Variants in IQGAP2 observed in about 807,000 individuals in gnomAD.
IQGAP2 encodes IQ motif containing GTPase activating protein 2.
Under a neutral mutation model 201.3 loss-of-function variants are expected in IQGAP2, and 173 were observed. The ratio of observed to expected loss-of-function variants is 0.86; its 90% CI spans 0.76 to 0.98. The LOEUF (loss-of-function observed/expected upper bound fraction) is 0.98, where lower values mean the gene tolerates loss of function less well. Ranked by LOEUF, IQGAP2 falls within the 50% of genes least tolerant of loss-of-function variation. The pLI is 0.00. For missense variants in IQGAP2, 1,687 were observed against 1,864.8 expected (o/e 0.90, Z 1.76); for synonymous variants, 675 against 673.9 (o/e 1.00, Z -0.03).
intron 2 of IQGAP2, among the ~76,000 whole-genome samples, chr5:76,484,696 G>A (rs182685535): frequency 1.2e-4 from 19 of 152,218 alleles, no homozygotes; most frequent in African/African-American, 4.3e-4. Flanking sequence ...TGTCACCAAG[G>A]CTGGAGTGCA....
Position 76,625,482 on chromosome 5 carries a change from C to T in IQGAP2, c.1522-1928C>T, listed in dbSNP as rs150126907. Among the ~76,000 whole-genome samples, 421 of 152,252 alleles carry T rather than the reference C, an allele frequency of 2.8e-3. 4 individuals carry two copies. The highest frequency in any genetic ancestry group is 4.3e-3 in the Non-Finnish European group (295 of 68,030). ...CTCCTCTAGTCTTCCCCTTTCCACC[C>T]GGCTTCCTGTTTGAGCCTCCCCCAT... On this transcript the variant is annotated intron_variant, in intron 13 of 35. Transcript: ENST00000274364.
At chr5:76,448,605 G>T (rs1484318229) in intron 1 of IQGAP2, among the ~76,000 whole-genome samples, 2 of 152,134 alleles carry the variant, frequency 1.3e-5, no homozygotes, top group Non-Finnish European at 2.9e-5. Flanking sequence ...TCCATAAGTG[G>T]AAGCATCAGG....
intron 2 of IQGAP2, among the ~76,000 whole-genome samples, chr5:76,507,711 A>C (rs1757686700): frequency 6.6e-6 from 1 of 152,214 alleles, no homozygotes; most frequent in Non-Finnish European, 1.5e-5. Flanking sequence ...AAACAATCTG[A>C]TTAAAAATTG....
At chr5:76,643,859 A>G (rs1324728570) in intron 17 of IQGAP2, among the ~76,000 whole-genome samples, 1 of 152,124 alleles carries the variant, frequency 6.6e-6, no homozygotes, top group Non-Finnish European at 1.5e-5. Context: ...GAGGAAGGGG[A>G]TGGCCTGGGA....
chr5:76,509,533 A>C (rs965577516), intron 2 of IQGAP2, among the ~76,000 whole-genome samples: 1 of 151,944 alleles, frequency 6.6e-6, no homozygotes, highest in African/African-American at 2.4e-5. Flanking sequence ...AGTAGACTAC[A>C]GGTGCCTGCC....
intron 5 of IQGAP2, among the ~76,000 whole-genome samples, chr5:76,582,031 G>A (rs927442208): frequency 8.5e-5 from 13 of 152,198 alleles, no homozygotes; most frequent in African/African-American, 3.1e-4. Context: ...ACAAAATACT[G>A]TACTGGTATA....
chr5:76,476,439 C>T (rs747515366), intron 2 of IQGAP2, among the ~76,000 whole-genome samples: 33 of 152,078 alleles, frequency 2.2e-4, no homozygotes, highest in Non-Finnish European at 4.3e-4. Context: ...ACAACCACCC[C>T]TGGAGTGGGT....
chr5:76,608,115 A>G (rs909406114), intron 12 of IQGAP2: 1 of 152,250 alleles, frequency 6.6e-6, no homozygotes, highest in African/African-American at 2.4e-5. Context: ...TAACATTTGC[A>G]TAACTTAGAA....
At chr5:76,661,879 A>G (rs1215670339) in intron 21 of IQGAP2, among the ~76,000 whole-genome samples, 1 of 152,220 alleles carries the variant, frequency 6.6e-6, no homozygotes, top group Non-Finnish European at 1.5e-5. Flanking sequence ...TACTACCTGC[A>G]TGCAGATATC....
At position 76,489,457 on chromosome 5, in the gene IQGAP2, T is replaced by C. The variant is rs188329088; in HGVS notation, c.146+27788T>C. On this transcript the variant is annotated intron_variant, in intron 2 of 35. Transcript: ENST00000274364. ...CTTCTACATGCAGTCTTTTTTGTTT[T>C]TGTTGTTTGTTTGTTTGTTTTTTAG... 9.2e-4 allele frequency among the ~76,000 whole-genome samples: 140 copies of C among 152,232 alleles called. 1 individual carries two copies. Among genetic ancestry groups the C allele is most frequent in the African/African-American group, 3.3e-3 (138 of 41,546 alleles).
intron 1 of IQGAP2, among the ~76,000 whole-genome samples, chr5:76,436,525 T>A (rs1234494581): frequency 4.6e-3 from 140 of 30,594 alleles, no homozygotes; most frequent in Non-Finnish European, 5.5e-3. Flanking sequence ...ATATTTTTTT[T>A]TTTTTTTTTT....
intron 2 of IQGAP2, among the ~76,000 whole-genome samples, chr5:76,544,770 C>T (rs1742992492): frequency 6.6e-6 from 1 of 152,150 alleles, no homozygotes. Context: ...ATCTTTCTCC[C>T]ACCCAGTTCC....
chr5:76,581,938 A>G (rs370714652), intron 5 of IQGAP2, among the ~76,000 whole-genome samples: 9 of 152,380 alleles, frequency 5.9e-5, no homozygotes, highest in African/African-American at 2.2e-4. Context: ...GTGTTTGTAT[A>G]CAAAGGACAC....
intron 13 of IQGAP2, chr5:76,618,123 A>G: frequency 1.2e-6 from 2 of 1,614,160 alleles, no homozygotes; most frequent in Non-Finnish European, 1.7e-6. Context: ...AGGATGGACG[A>G]TGGCCAGGTA....
In IQGAP2 at chr5:76,568,517, A is replaced by G. The variant is rs115901567; in HGVS notation, c.304-2063A>G. Among the ~76,000 whole-genome samples the G allele has an allele frequency of 4.0e-3, 612 of 152,326 alleles. 3 individuals carry two copies. Among genetic ancestry groups the G allele is most frequent in the Non-Finnish European group, 6.9e-3 (467 of 68,026 alleles). ...CTGAGATTACTTTGCTAACAAGACC[A>G]CTAAACACATGGGTGTCTTTGTTAC... On this transcript the variant is annotated intron_variant, in intron 3 of 35. Coordinates refer to ENST00000274364, the MANE Select transcript of IQGAP2 (RefSeq NM_006633.5).
At chr5:76,404,019 G>A (rs1427676436) in intron 1 of IQGAP2, among the ~76,000 whole-genome samples, 1 of 152,216 alleles carries the variant, frequency 6.6e-6, no homozygotes, top group East Asian at 1.9e-4. Flanking sequence ...CTACAGGTGG[G>A]CACCGCAAGT....
chr5:76,626,959 G>A (rs999874550), intron 13 of IQGAP2, among the ~76,000 whole-genome samples: 9 of 152,206 alleles, frequency 5.9e-5, no homozygotes, highest in African/African-American at 2.2e-4. Context: ...AGCCAGAGAG[G>A]CAGTAGGCAG....
chr5:76,450,946 A>G (rs1344345038), intron 1 of IQGAP2, among the ~76,000 whole-genome samples: 2 of 149,854 alleles, frequency 1.3e-5, no homozygotes, highest in African/African-American at 5.0e-5. Context: ...TCATGTGTTA[A>G]TTCACACTCA....
At chr5:76,499,665 A>C (rs1318786238) in intron 2 of IQGAP2, among the ~76,000 whole-genome samples, 2 of 152,208 alleles carry the variant, frequency 1.3e-5, no homozygotes, top group African/African-American at 2.4e-5. Context: ...GCTGTGCAAA[A>C]TGGTTAGTCG....
Sources: allele counts gnomAD v4.1 joint callset (sites outside exome capture counted in the v4.1 genomes callset), GRCh38; gene constraint gnomAD v4.1.1; transcripts MANE v1.5; gene names NCBI Gene and HGNC (gene_info 2026-07-23, HGNC 2026-07-21).